CYFIP2: variants seen among roughly 807,000 people sequenced by gnomAD.
CYFIP2 encodes cytoplasmic FMR1-interacting protein 2.
A neutral mutation model predicts 158.7 loss-of-function variants in CYFIP2; 29 were observed. The ratio of observed to expected loss-of-function variants is 0.18; its 90% CI spans 0.14 to 0.25. The LOEUF (loss-of-function observed/expected upper bound fraction) is 0.25. Among genes scored for constraint, CYFIP2 ranks in the 10% least tolerant of loss-of-function variants. The pLI is 1.00. For missense variants in CYFIP2, 852 were observed against 1,639.5 expected, an observed-to-expected ratio of 0.52 and a Z score of 8.29; for synonymous variants, 585 against 617.6, an observed-to-expected ratio of 0.95 and a Z score of 0.78.
At chr5:157,309,410 A>G (rs923253046) in intron 9 of CYFIP2, among the ~76,000 whole-genome samples, 1 of 152,226 alleles carries the variant, frequency 6.6e-6, no homozygotes, top group Non-Finnish European at 1.5e-5. Flanking sequence ...AAGCCAGGGA[A>G]GATTCGAGTG....
At chr5:157,349,599 C>T (rs878933407) in intron 23 of CYFIP2, among the ~76,000 whole-genome samples, 2 of 152,118 alleles carry the variant, frequency 1.3e-5, no homozygotes, top group African/African-American at 4.8e-5. Flanking sequence ...ATATCCTTTT[C>T]GAATGATTTC....
rs1755603552 is a variant in CYFIP2 at position 157,266,441 on chromosome 5, C to A, written c.-24+246C>A. The A allele has an allele frequency of 6.6e-6, 1 of 152,046 alleles. No homozygotes were observed. The highest frequency in any genetic ancestry group is 1.5e-5 in the Non-Finnish European group (1 of 68,058). 9.4% of individuals were successfully genotyped at this position (152,046 alleles called of 1,614,324 possible). The stretch of plus-strand genomic sequence containing the variant: ...GGAGGCGCGGGCACATCGCGGAGCT[C>A]CGGCGCGGCGGCGGGGGAGCCGCAG... On this transcript the variant is annotated intron_variant, in intron 1 of 30. Coordinates refer to ENST00000620254, the MANE Select transcript of CYFIP2 (RefSeq NM_001037333.3). The surrounding 1 kb of genome is among the most constrained non-coding windows in gnomAD (Gnocchi z 4.2).
chr5:157,294,987 C>A, intron 4 of CYFIP2, 127 bp downstream of exon 4: 1 of 624,614 alleles, frequency 1.6e-6, no homozygotes, highest in Non-Finnish European at 2.7e-6. Context: ...TCCTCTTATC[C>A]AAGGAAGAAC....
At chr5:157,314,607 C>G in intron 12 of CYFIP2, 144 bp downstream of exon 12, 1 of 1,276,426 alleles carries the variant, frequency 7.8e-7, no homozygotes, top group East Asian at 2.6e-5. Flanking sequence ...AGTATAAGTT[C>G]ATTGGTTTTT....
chr5:157,313,097 A>C (rs142479761), intron 11 of CYFIP2, among the ~76,000 whole-genome samples: 1 of 152,212 alleles, frequency 6.6e-6, no homozygotes, highest in African/African-American at 2.4e-5. Context: ...TGCTCTATAC[A>C]TGTTGAGTCT....
At chr5:157,321,464 C>T (rs11743980) in intron 15 of CYFIP2, among the ~76,000 whole-genome samples, 24,651 of 152,174 alleles carry the variant, frequency 0.16, 2,254 homozygotes, top group Middle Eastern at 0.26. Context: ...AGAGGTCGCC[C>T]GTGGCTTATC....
intron 28 of CYFIP2, chr5:157,384,142 G>A: frequency 2.6e-6 from 1 of 378,400 alleles, no homozygotes; most frequent in Non-Finnish European, 5.3e-6. Flanking sequence ...GAGCTTATAT[G>A]TTATTCTGTA....
At chr5:157,292,166 T>C (rs1050339663) in intron 3 of CYFIP2, among the ~76,000 whole-genome samples, 25 of 152,276 alleles carry the variant, frequency 1.6e-4, no homozygotes, top group African/African-American at 5.5e-4. Context: ...CTGGCTTCTT[T>C]TACTTAACAT....
At chr5:157,335,563 C>T (rs1013510539) in intron 21 of CYFIP2, among the ~76,000 whole-genome samples, 10 of 152,112 alleles carry the variant, frequency 6.6e-5, no homozygotes, top group African/African-American at 2.4e-4. Flanking sequence ...ATAGTTAGCA[C>T]TTAATAAATA....
At chr5:157,357,586 C>T (rs1763498514) in intron 23 of CYFIP2, among the ~76,000 whole-genome samples, 2 of 151,956 alleles carry the variant, frequency 1.3e-5, no homozygotes, top group Non-Finnish European at 2.9e-5. Flanking sequence ...CCTAGCACTT[C>T]GGGAGGCTGA....
At chr5:157,292,499 G>A (rs978571821) in intron 3 of CYFIP2, among the ~76,000 whole-genome samples, 5 of 152,274 alleles carry the variant, frequency 3.3e-5, no homozygotes, top group African/African-American at 4.8e-5. Context: ...GATTACAGAC[G>A]TGAGCCACCG....
chr5:157,368,009 C>T (rs1190193157), intron 26 of CYFIP2, among the ~76,000 whole-genome samples: 1 of 152,062 alleles, frequency 6.6e-6, no homozygotes, highest in Admixed American at 6.5e-5. Flanking sequence ...CTGCCCACCT[C>T]GGCCTCCCGA....
At chr5:157,319,155 C>G (rs911556295) in intron 13 of CYFIP2, among the ~76,000 whole-genome samples, 1 of 152,144 alleles carries the variant, frequency 6.6e-6, no homozygotes, top group Non-Finnish European at 1.5e-5. Flanking sequence ...TCTCATCACA[C>G]GTGCCTGAAT....
chr5:157,270,807 A>T (rs963778351), intron 1 of CYFIP2, among the ~76,000 whole-genome samples: 1 of 152,162 alleles, frequency 6.6e-6, no homozygotes, highest in Admixed American at 6.5e-5. Context: ...TTTCTTGTTA[A>T]TTTTTTTAAA....
chr5:157,292,220 A>C (rs181633188), intron 3 of CYFIP2, among the ~76,000 whole-genome samples: 4 of 147,766 alleles, frequency 2.7e-5, no homozygotes, highest in African/African-American at 7.5e-5. Flanking sequence ...TTTTATTTTT[A>C]TTTTTTTATT....
intron 2 of CYFIP2, among the ~76,000 whole-genome samples, chr5:157,286,687 A>G (rs1757421314): frequency 6.6e-6 from 1 of 152,042 alleles, no homozygotes; most frequent in South Asian, 2.1e-4. Flanking sequence ...CCCTTGGGTG[A>G]GTATTTCTGG....
chr5:157,327,564 CA>C (rs34300898), intron 18 of CYFIP2, among the ~76,000 whole-genome samples: 34,752 of 126,702 alleles, frequency 0.27, 4,510 homozygotes, highest in African/African-American at 0.41. Flanking sequence ...GACTCTGTCT[CA>C]AAAAAAAAAA....
At chr5:157,391,084 G>T (rs1441073376) in intron 30 of CYFIP2, among the ~76,000 whole-genome samples, 1 of 152,112 alleles carries the variant, frequency 6.6e-6, no homozygotes, top group Non-Finnish European at 1.5e-5. Context: ...GGCAGAGAAA[G>T]CTTCCCAGGA....
intron 3 of CYFIP2, among the ~76,000 whole-genome samples, chr5:157,289,869 G>A (rs544863119): frequency 1.7e-4 from 26 of 152,298 alleles, no homozygotes; most frequent in South Asian, 8.3e-4. Flanking sequence ...TGAACAGAAC[G>A]CAGCTTGGGG....
Sources: gnomAD v4.1 joint callset for allele counts (sites outside exome capture counted in the v4.1 genomes callset) on GRCh38, gnomAD v4.1.1 for gene constraint, Gnocchi (gnomAD v3.1) non-coding constraint, MANE v1.5 for transcripts, NCBI Gene and HGNC (gene_info 2026-07-23, HGNC 2026-07-21) for gene names.